SNX12: variants seen among roughly 807,000 people sequenced by gnomAD.
SNX12 encodes the protein sorting nexin-12.
For synonymous variants in SNX12, 47 were observed against 56.0 expected (o/e 0.84, Z 0.71); for missense variants, 62 against 141.3 (o/e 0.44, Z 2.84).
upstream of SNX12, chrX:71,068,381 C>T (rs2092163004): frequency 1.1e-6 from 1 of 907,079 alleles, no homozygotes; most frequent in South Asian, 2.7e-5. Context: ...CGCACGGCCC[C>T]TCCCGCTTGC....
upstream of SNX12, among the ~76,000 whole-genome samples, chrX:71,069,479 G>A (rs1184710580): frequency 8.9e-6 from 1 of 112,234 alleles, no homozygotes; most frequent in African/African-American, 3.2e-5. Context: ...AATATAATGC[G>A]ACAAATACAA....
In SNX12 at chrX:71,065,603, G is replaced by A. The variant is rs765398442; in HGVS notation, c.165+2539C>T. Among the ~76,000 whole-genome samples the A allele has an allele frequency of 2.1e-3, 233 of 109,844 alleles. 3 individuals are homozygous for A. Among genetic ancestry groups the A allele is most frequent in the African/African-American group, 7.5e-3 (226 of 30,212 alleles). ...GCGGATCACTTGAGGTCAGGAGTTC[G>A]AGACCAGCCTGGCCAACATGGCGAA... On this transcript the variant is annotated intron_variant, in intron 1 of 3. Coordinates refer to ENST00000374274, the MANE Select transcript of SNX12 (RefSeq NM_013346.4).
At chrX:71,065,267 A>G (rs1201888549) in intron 1 of SNX12, among the ~76,000 whole-genome samples, 1 of 105,109 alleles carries the variant, frequency 9.5e-6, no homozygotes, top group Admixed American at 1.0e-4. Context: ...GTGAGGCAGG[A>G]GAATCGCTTG....
In SNX12 at chrX:71,067,523, ATT is replaced by A. The variant is rs767935818; in HGVS notation, c.165+617_165+618del. ...ATCTGCGAAAACTTAAGCATAAAAC[ATT>A]TCTCTCCTTCAGATGCTGATCCGAC... On this transcript the variant is annotated intron_variant, in intron 1 of 3. Transcript: ENST00000374274. Among the ~76,000 whole-genome samples the A allele has an allele frequency of 3.6e-5, 4 of 111,743 alleles. No homozygotes were observed. The East Asian group carries it at 1.1e-3, about 31-fold the overall frequency.
upstream of SNX12, among the ~76,000 whole-genome samples, chrX:71,070,053 C>T (rs979766986): frequency 8.9e-6 from 1 of 111,736 alleles, no homozygotes; most frequent in Non-Finnish European, 1.9e-5. Context: ...AGGCATTTAT[C>T]GCCAATTCAG....
At chrX:71,065,486 T>A (rs2092148953) in intron 1 of SNX12, among the ~76,000 whole-genome samples, 2 of 108,122 alleles carry the variant, frequency 1.8e-5, no homozygotes, top group Non-Finnish European at 3.8e-5. Flanking sequence ...CTGGCCAACA[T>A]GGCGAAACCC....
upstream of SNX12, among the ~76,000 whole-genome samples, chrX:71,072,922 CA>C (rs1329211058): frequency 9.1e-6 from 1 of 109,745 alleles, no homozygotes; most frequent in Admixed American, 9.8e-5. Context: ...CACACACACA[CA>C]CACACACACA....
intron 1 of SNX12, among the ~76,000 whole-genome samples, chrX:71,066,552 T>C (rs1483828226): frequency 9.7e-6 from 1 of 102,825 alleles, no homozygotes; most frequent in Non-Finnish European, 2.0e-5. Flanking sequence ...ATTGCACCAT[T>C]GCACGGCAGC....
chrX:71,062,593 G>A (rs999735174), intron 2 of SNX12, among the ~76,000 whole-genome samples: 2 of 110,243 alleles, frequency 1.8e-5, no homozygotes, highest in Non-Finnish European at 3.8e-5. Flanking sequence ...GGCTGGTCTT[G>A]AACTCCTGAC....
At position 71,060,494 on chromosome X, in the gene SNX12, AAAGAAACTGTT is replaced by A. The variant is rs1199496361; in HGVS notation, c.*511_*521del. ...GCAACAAGGGAGAGAGAAAGCAACA[AAAGAAACTGTT>A]AAGAAAACTGGGAGCAGGCCTGAAG... On this transcript the variant is annotated 3_prime_UTR_variant, in exon 4 of 4. Coordinates refer to ENST00000374274, the MANE Select transcript of SNX12 (RefSeq NM_013346.4). The A allele has an allele frequency of 7.0e-5, 8 of 114,487 alleles. No homozygotes were observed. Among genetic ancestry groups the A allele is most frequent in the African/African-American group, 2.6e-4 (8 of 30,741 alleles). The allele number at this position is 114,487 out of a possible 1,213,427, so 9.4% of individuals were successfully genotyped here.
intron 1 of SNX12, among the ~76,000 whole-genome samples, chrX:71,064,354 T>C (rs1206979841): frequency 8.9e-6 from 1 of 112,277 alleles, no homozygotes; most frequent in African/African-American, 3.2e-5. Flanking sequence ...TTCTGACAGT[T>C]ATACTTTAGC....
intron 1 of SNX12, among the ~76,000 whole-genome samples, chrX:71,066,148 G>C (rs1272528628): frequency 8.9e-6 from 1 of 112,338 alleles, no homozygotes; most frequent in Non-Finnish European, 1.9e-5. Context: ...TTATAGTTAC[G>C]TGTACTTGGG....
Position 71,068,272 on chromosome X carries a change from A to C in SNX12, c.35T>G (p.Leu12Arg). The change falls in exon 1 of 4, where the codon CTT (leucine) becomes CGT (arginine). Residue 12 changes from leucine to arginine, a missense_variant. By Grantham distance (102) the Leu-to-Arg change is moderately radical. Coordinates refer to ENST00000374274, the MANE Select transcript of SNX12 (RefSeq NM_013346.4). ...GGTCAGGTCCTGCGGCTTCGAGTTAAGGCGCCGGGTATCAGCTACTGCCGT... is the reference window on the plus strand; with the variant it reads ...GGTCAGGTCCTGCGGCTTCGAGTTACGGCGCCGGGTATCAGCTACTGCCGT... ...SDTAVADTRR[L>R]NSKPQDLTDA... 2 of 1,206,787 alleles carry C rather than the reference A, an allele frequency of 1.7e-6. No homozygotes were observed. Among genetic ancestry groups the C allele is most frequent in the Non-Finnish European group, 2.2e-6 (2 of 893,026 alleles).
At chrX:71,062,041 C>A in intron 2 of SNX12, 74 bp from the exon 3 acceptor site, 1 of 1,009,146 alleles carries the variant, frequency 9.9e-7, no homozygotes. Context: ...GCACCGTGTA[C>A]CTCATTTCTT....
chrX:71,061,752 T>C, intron 3 of SNX12, 91 bp downstream of exon 3: 1 of 803,602 alleles, frequency 1.2e-6, no homozygotes, highest in Non-Finnish European at 1.8e-6. Flanking sequence ...AATAAGTAAA[T>C]AAAAATAAAA....
upstream of SNX12, among the ~76,000 whole-genome samples, chrX:71,071,621 AT>A (rs1437578332): frequency 2.0e-4 from 12 of 61,452 alleles, no homozygotes; most frequent in African/African-American, 7.7e-4. Context: ...TAAATATATA[AT>A]ATTTATATAT....
In SNX12 at chrX:71,066,591, T is replaced by TAAA. The variant is rs34509177; in HGVS notation, c.165+1548_165+1550dup. Among the ~76,000 whole-genome samples the TAAA allele has an allele frequency of 5.3e-3, 393 of 73,979 alleles. 2 individuals are homozygous for TAAA. The highest frequency in any genetic ancestry group is 0.02 in the African/African-American group (383 of 19,256). The allele number at this position is 73,979 out of a possible 115,157, so 64.2% of individuals were successfully genotyped here. The stretch of plus-strand genomic sequence containing the variant: ...GGCAATAGAACGAGACTCCATCTCT[T>TAAA]AAAAAAAAAAAAAAAAAAAAAAGAA... On this transcript the variant is annotated intron_variant, in intron 1 of 3. Coordinates refer to ENST00000374274, the MANE Select transcript of SNX12 (RefSeq NM_013346.4).
intron 1 of SNX12, among the ~76,000 whole-genome samples, chrX:71,065,057 T>C (rs1272438010): frequency 2.7e-5 from 3 of 112,803 alleles, no homozygotes; most frequent in Non-Finnish European, 5.6e-5. Flanking sequence ...GTAAGATTAC[T>C]AAACCATTAT....
intron 3 of SNX12, among the ~76,000 whole-genome samples, chrX:71,061,366 A>C (rs1311664793): frequency 6.2e-5 from 7 of 112,074 alleles, no homozygotes; most frequent in Non-Finnish European, 1.3e-4. Flanking sequence ...CAGGATCAGA[A>C]TCCTACTCAA....
Sources: allele counts gnomAD v4.1 joint callset (sites outside exome capture counted in the v4.1 genomes callset), GRCh38; gene constraint gnomAD v4.1.1; transcripts MANE v1.5; gene names NCBI Gene and HGNC (gene_info 2026-07-23, HGNC 2026-07-21).